The following PARP8 variants were observed in gnomAD, a reference collection of about 807,000 sequenced individuals.
PARP8 encodes the protein protein mono-ADP-ribosyltransferase PARP8.
In PARP8, 51 loss-of-function variants were observed where a neutral mutation model predicts 124.1. The observed-to-expected ratio is 0.41, with a 90% CI of 0.33 to 0.52. The LOEUF (loss-of-function observed/expected upper bound fraction) is 0.52. Among genes scored for constraint, PARP8 ranks in the 20% least tolerant of loss-of-function variants. PARP8 has a pLI of 0.21. For synonymous variants in PARP8, 391 were observed against 361.5 expected, an observed-to-expected ratio of 1.08 and a Z score of -0.93; for missense variants, 860 against 1,018.9, an observed-to-expected ratio of 0.84 and a Z score of 2.12.
chr5:50,844,774 A>C lies in PARP8; in HGVS notation c.*2706A>C, dbSNP rs1474053079. On this transcript the variant is annotated 3_prime_UTR_variant, in exon 26 of 26. Transcript: ENST00000281631. The stretch of plus-strand genomic sequence containing the variant: ...TTTTCCTGCATTGCTTATTTTGTAA[A>C]CATTTTACTATGAATAATCTGTTCT... 6.6e-6 allele frequency: 1 copy of C among 151,768 alleles called. No homozygotes were observed. The highest frequency in any genetic ancestry group is 1.9e-4 in the East Asian group (1 of 5,152). 9.4% of individuals were successfully genotyped at this position (151,768 alleles called of 1,614,324 possible).
At chr5:50,702,616 A>G (rs1561264702) in intron 2 of PARP8, among the ~76,000 whole-genome samples, 1 of 151,556 alleles carries the variant, frequency 6.6e-6, no homozygotes, top group Non-Finnish European at 1.5e-5. Context: ...TAGAAAATGT[A>G]TAAAATCTGT....
intron 2 of PARP8, among the ~76,000 whole-genome samples, chr5:50,680,191 C>G (rs1751128081): frequency 6.6e-6 from 1 of 152,180 alleles, no homozygotes; most frequent in Admixed American, 6.5e-5. Context: ...ACTCTGCCTT[C>G]TTCAATACTC....
At chr5:50,811,714 T>C (rs1744467990) in intron 14 of PARP8, among the ~76,000 whole-genome samples, 1 of 152,150 alleles carries the variant, frequency 6.6e-6, no homozygotes, top group Non-Finnish European at 1.5e-5. Flanking sequence ...ACATTAGGTA[T>C]ATCTCCTAAT....
intron 2 of PARP8, among the ~76,000 whole-genome samples, chr5:50,733,574 CA>C (rs1413329409): frequency 2.0e-5 from 3 of 152,050 alleles, no homozygotes; most frequent in Non-Finnish European, 2.9e-5. Context: ...CTATAGATAG[CA>C]GTATTTATGT....
At chr5:50,737,691 C>T (rs535048181) in intron 2 of PARP8, among the ~76,000 whole-genome samples, 2 of 152,220 alleles carry the variant, frequency 1.3e-5, no homozygotes, top group African/African-American at 2.4e-5. Context: ...CTTCTGCTTC[C>T]GTATGAAAAA....
At chr5:50,737,127 G>T (rs771391847) in intron 2 of PARP8, among the ~76,000 whole-genome samples, 4 of 152,078 alleles carry the variant, frequency 2.6e-5, no homozygotes, top group Non-Finnish European at 5.9e-5. Flanking sequence ...TTCCCATTTT[G>T]CCAGAAAGTG....
rs1258085335 is a variant in PARP8 at position 50,778,052 on chromosome 5, T to C, written c.519-17T>C. On this transcript the variant is annotated splice_polypyrimidine_tract_variant and intron_variant, in intron 7 of 25. Transcript: ENST00000281631. Reference sequence around the variant, plus strand: ...CATCATTAAAATGAAAAAAACAGTGTTAATTTTTGCTTTCAGGGAATATGG... The same window carrying C: ...CATCATTAAAATGAAAAAAACAGTGCTAATTTTTGCTTTCAGGGAATATGG... 1.3e-5 allele frequency: 20 copies of C among 1,590,014 alleles called. No homozygotes were observed. The highest frequency in any genetic ancestry group is 1.5e-5 in the Non-Finnish European group (18 of 1,166,624).
At chr5:50,726,796 A>G (rs1316888259) in intron 2 of PARP8, among the ~76,000 whole-genome samples, 17 of 152,120 alleles carry the variant, frequency 1.1e-4, no homozygotes, top group Non-Finnish European at 2.4e-4. Context: ...CTCTGTCCTC[A>G]TGCTACAGGC....
chr5:50,768,393 A>G (rs1170697500), intron 7 of PARP8, among the ~76,000 whole-genome samples: 2 of 152,316 alleles, frequency 1.3e-5, no homozygotes, highest in Admixed American at 1.3e-4. Flanking sequence ...AAATCAAATT[A>G]CCAGATTTCA....
chr5:50,767,568 G>C (rs1436745385), intron 7 of PARP8, among the ~76,000 whole-genome samples: 1 of 152,214 alleles, frequency 6.6e-6, no homozygotes, highest in Non-Finnish European at 1.5e-5. Flanking sequence ...GCTGACTGCA[G>C]AGTTGTAGCA....
intron 2 of PARP8, among the ~76,000 whole-genome samples, chr5:50,704,030 A>C (rs1286970185): frequency 1.3e-5 from 2 of 152,038 alleles, no homozygotes; most frequent in Admixed American, 6.6e-5. Context: ...ATTGTTGCTA[A>C]TCTTTTGACA....
chr5:50,720,013 A>C (rs1011591385), intron 2 of PARP8, among the ~76,000 whole-genome samples: 2 of 152,106 alleles, frequency 1.3e-5, no homozygotes, highest in Non-Finnish European at 2.9e-5. Flanking sequence ...AATTAAAAAA[A>C]AATCTGACAT....
intron 15 of PARP8, among the ~76,000 whole-genome samples, chr5:50,819,886 A>G (rs1420112785): frequency 6.6e-6 from 1 of 152,192 alleles, no homozygotes; most frequent in Non-Finnish European, 1.5e-5. Flanking sequence ...AGAGGAAGAC[A>G]AAAAGGAGGG....
At chr5:50,769,584 T>A (rs940766311) in intron 7 of PARP8, among the ~76,000 whole-genome samples, 1 of 151,522 alleles carries the variant, frequency 6.6e-6, no homozygotes, top group Non-Finnish European at 1.5e-5. Context: ...TGCACATAGA[T>A]TTTTTTTATC....
At chr5:50,776,245 A>G (rs1391175216) in intron 7 of PARP8, among the ~76,000 whole-genome samples, 1 of 152,222 alleles carries the variant, frequency 6.6e-6, no homozygotes, top group Non-Finnish European at 1.5e-5. Flanking sequence ...CTACTTGCTC[A>G]TCATGGTGTA....
At chr5:50,767,888 T>C (rs776419747) in intron 7 of PARP8, among the ~76,000 whole-genome samples, 6 of 152,322 alleles carry the variant, frequency 3.9e-5, no homozygotes, top group Non-Finnish European at 7.3e-5. Context: ...TCACAAAATA[T>C]CTGTCTTCTC....
chr5:50,666,903 C>CCCTCCT lies in PARP8; in HGVS notation c.-181_-176dup, dbSNP rs151280834. Reference sequence around the variant, plus strand: ...ATCTGGGAATGCAAAGCCGACCTCCCCCTCCTCCTCCTCCTCCCCCTCCTC... The same window carrying CCCTCCT: ...ATCTGGGAATGCAAAGCCGACCTCCCCCTCCTCCTCCTCCTCCTCCTCCCCCTCCTC... On this transcript the variant is annotated 5_prime_UTR_variant, in exon 1 of 26. Transcript: ENST00000281631. The CCCTCCT allele has an allele frequency of 5.3e-4, 572 of 1,073,166 alleles. 5 individuals are homozygous for CCCTCCT. The African/African-American group carries it at 7.2e-3, about 13-fold the overall frequency. 66.5% of individuals were successfully genotyped at this position (1,073,166 alleles called of 1,614,324 possible).
intron 10 of PARP8, among the ~76,000 whole-genome samples, chr5:50,792,880 G>A (rs1377882074): frequency 1.3e-5 from 2 of 152,084 alleles, no homozygotes; most frequent in Non-Finnish European, 1.5e-5. Context: ...AAAAGCCTAA[G>A]TGATATACTT....
chr5:50,684,544 A>T (rs941900786), intron 2 of PARP8, among the ~76,000 whole-genome samples: 1 of 152,086 alleles, frequency 6.6e-6, no homozygotes, highest in African/African-American at 2.4e-5. Context: ...TCTCTTCAAC[A>T]TACATAATGT....
Sources: allele counts gnomAD v4.1 joint callset (sites outside exome capture counted in the v4.1 genomes callset), GRCh38; gene constraint gnomAD v4.1.1; transcripts MANE v1.5; gene names NCBI Gene and HGNC (gene_info 2026-07-23, HGNC 2026-07-21).